The following CHN1 variants were observed in gnomAD, a reference collection of about 807,000 sequenced individuals.
CHN1 encodes the protein chimerin 1.
CHN1 carries 37 observed loss-of-function variants against 59.5 expected under a neutral mutation model. The observed-to-expected ratio is 0.62, with a 90% CI of 0.48 to 0.82. The LOEUF (loss-of-function observed/expected upper bound fraction) is 0.82. CHN1 is among the 40% of genes least tolerant of loss of function. CHN1 has a pLI of 0.00. For missense variants in CHN1, 469 were observed against 571.0 expected (o/e 0.82, Z 1.82); for synonymous variants, 206 against 200.4 (o/e 1.03, Z -0.24).
chr2:174,874,644 T>C (rs1379763252), intron 6 of CHN1, among the ~76,000 whole-genome samples: 1 of 152,126 alleles, frequency 6.6e-6, no homozygotes, highest in Non-Finnish European at 1.5e-5. Flanking sequence ...ACACTTGGAA[T>C]TCTCATCTTT....
chr2:174,804,801 C>T (rs528239108), intron 11 of CHN1, among the ~76,000 whole-genome samples: 18 of 152,328 alleles, frequency 1.2e-4, no homozygotes, highest in African/African-American at 3.1e-4. Flanking sequence ...TTTGAGATGC[C>T]TGTCAGGCAT....
intron 11 of CHN1, among the ~76,000 whole-genome samples, chr2:174,805,323 T>C (rs963263300): frequency 6.6e-6 from 1 of 152,256 alleles, no homozygotes; most frequent in South Asian, 2.1e-4. Context: ...TCTAGCTGCA[T>C]GACCCCTTAG....
intron 7 of CHN1, among the ~76,000 whole-genome samples, chr2:174,839,888 G>A (rs1049280773): frequency 5.3e-5 from 8 of 152,012 alleles, no homozygotes; most frequent in Non-Finnish European, 8.8e-5. Context: ...ATAGGCATAA[G>A]CCACTGCACC....
chr2:174,931,703 C>G (rs1222630170), intron 3 of CHN1, among the ~76,000 whole-genome samples: 1 of 152,124 alleles, frequency 6.6e-6, no homozygotes, highest in Admixed American at 6.5e-5. Flanking sequence ...CAAAGTAGAA[C>G]AGGAAAAGAC....
chr2:174,984,366 CTTTTTTTT>C (rs397986749), intron 1 of CHN1, among the ~76,000 whole-genome samples: 1 of 117,214 alleles, frequency 8.5e-6, no homozygotes, highest in Admixed American at 8.7e-5. Context: ...GTTTTATAAG[CTTTTTTTT>C]TTTTTTTTTT....
At chr2:174,974,898 TAC>T (rs373940330) in intron 1 of CHN1, among the ~76,000 whole-genome samples, 7,393 of 144,274 alleles carry the variant, frequency 0.051, 206 homozygotes, top group Non-Finnish European at 0.062. Context: ...AAATAATTAA[TAC>T]ACACACACAC....
At chr2:174,833,689 T>C (rs1685961285) in intron 7 of CHN1, among the ~76,000 whole-genome samples, 1 of 152,218 alleles carries the variant, frequency 6.6e-6, no homozygotes, top group African/African-American at 2.4e-5. Flanking sequence ...TTTTTTTATG[T>C]TTTATACTCT....
intron 1 of CHN1, among the ~76,000 whole-genome samples, chr2:174,972,099 A>C (rs1406110264): frequency 6.6e-6 from 1 of 152,150 alleles, no homozygotes; most frequent in East Asian, 1.9e-4. Flanking sequence ...CCAGGACAAC[A>C]AGCTGGTATC....
At chr2:174,847,421 A>T in intron 6 of CHN1, 1 of 1,212,378 alleles carries the variant, frequency 8.2e-7, no homozygotes, top group Non-Finnish European at 1.0e-6. Context: ...GCTAACATAC[A>T]AAACACTCAG....
intron 1 of CHN1, among the ~76,000 whole-genome samples, chr2:174,957,599 C>A (rs993346231): frequency 6.6e-6 from 1 of 152,106 alleles, no homozygotes; most frequent in Admixed American, 6.6e-5. Flanking sequence ...TAATTCAATC[C>A]TAAGGAGTAT....
intron 1 of CHN1, among the ~76,000 whole-genome samples, chr2:174,961,053 A>G (rs1690382785): frequency 6.9e-6 from 1 of 145,000 alleles, no homozygotes; most frequent in Non-Finnish European, 1.5e-5. Flanking sequence ...ACTTGAGCCC[A>G]GGAAGTGGAG....
intron 1 of CHN1, among the ~76,000 whole-genome samples, chr2:174,981,873 GC>G (rs1485939400): frequency 6.6e-6 from 1 of 151,966 alleles, no homozygotes; most frequent in East Asian, 1.9e-4. Flanking sequence ...GTATACATGT[GC>G]CATGTTGGTG....
chr2:174,983,391 G>A (rs551098282), intron 1 of CHN1, among the ~76,000 whole-genome samples: 1 of 152,156 alleles, frequency 6.6e-6, no homozygotes, highest in Admixed American at 6.5e-5. Context: ...AGGGGGATGT[G>A]ATAATTATCT....
At chr2:174,948,127 G>A (rs568464729) in intron 2 of CHN1, among the ~76,000 whole-genome samples, 3 of 152,132 alleles carry the variant, frequency 2.0e-5, no homozygotes, top group Admixed American at 2.0e-4. Context: ...ATCACAAATT[G>A]GTATCTTGAA....
At chr2:174,846,484 T>TGC in intron 7 of CHN1, 1 of 1,456,858 alleles carries the variant, frequency 6.9e-7, no homozygotes, top group Non-Finnish European at 9.1e-7. Flanking sequence ...CAACAGCACA[T>TGC]GCCTCTTATA....
chr2:174,858,102 A>G (rs1686962170), intron 6 of CHN1, among the ~76,000 whole-genome samples: 2 of 152,156 alleles, frequency 1.3e-5, no homozygotes, highest in African/African-American at 2.4e-5. Context: ...AACAAAAGCT[A>G]AAGGTTGTAT....
At chr2:174,957,613 G>A (rs1047646096) in intron 1 of CHN1, among the ~76,000 whole-genome samples, 4 of 152,000 alleles carry the variant, frequency 2.6e-5, no homozygotes, top group Admixed American at 6.5e-5. Context: ...GGAGTATGAC[G>A]TGGAGCGAGT....
At chr2:174,886,131 T>C (rs1393488858) in intron 5 of CHN1, among the ~76,000 whole-genome samples, 1 of 152,132 alleles carries the variant, frequency 6.6e-6, no homozygotes, top group African/African-American at 2.4e-5. Context: ...GCTTATAGAG[T>C]TCTATACATG....
At chr2:174,835,403 C>A (rs1351019642) in intron 7 of CHN1, among the ~76,000 whole-genome samples, 2 of 151,994 alleles carry the variant, frequency 1.3e-5, no homozygotes, top group Non-Finnish European at 2.9e-5. Context: ...TTAGTGTTCA[C>A]TGCATTTTTG....
Sources: gnomAD v4.1 joint callset for allele counts (sites outside exome capture counted in the v4.1 genomes callset) on GRCh38, gnomAD v4.1.1 for gene constraint, MANE v1.5 for transcripts, NCBI Gene and HGNC (gene_info 2026-07-23, HGNC 2026-07-21) for gene names.